The following PTPRM variants were observed in gnomAD, a reference collection of about 807,000 sequenced individuals.
PTPRM encodes the protein protein tyrosine phosphatase receptor type M.
In PTPRM, 47 loss-of-function variants were observed where a neutral mutation model predicts 186.7. The observed-to-expected ratio is 0.25, with a 90% confidence interval of 0.20 to 0.32. The LOEUF is 0.32. PTPRM is among the 10% of genes least tolerant of loss of function. The probability of loss-of-function intolerance (pLI) is 1.00; values close to 1 mark genes in which losing one functional copy is unlikely to be tolerated. For synonymous variants in PTPRM, 668 were observed against 674.9 expected (o/e 0.99, Z 0.16); for missense variants, 1,494 against 1,865.0 (o/e 0.80, Z 3.66).
At chr18:8,126,028 T>TATATATATA (rs2092352408) in intron 13 of PTPRM, among the ~76,000 whole-genome samples, 1 of 19,494 alleles carries the variant, frequency 5.1e-5, no homozygotes, top group African/African-American at 1.2e-4. Context: ...TATATATATA[T>TATATATATA]TTTAAATCAG....
intron 2 of PTPRM, among the ~76,000 whole-genome samples, chr18:7,838,093 G>A (rs2046143258): frequency 6.6e-6 from 1 of 152,142 alleles, no homozygotes; most frequent in Non-Finnish European, 1.5e-5. Flanking sequence ...GCCCGAGACT[G>A]GGTAATTTAT....
chr18:8,107,815 T>C (rs1264557419), intron 11 of PTPRM, among the ~76,000 whole-genome samples: 5 of 152,220 alleles, frequency 3.3e-5, no homozygotes, highest in African/African-American at 9.6e-5. Flanking sequence ...CCATTTATCA[T>C]TGATAATTTA....
chr18:7,838,724 C>T (rs1218028425), intron 2 of PTPRM, among the ~76,000 whole-genome samples: 1 of 152,202 alleles, frequency 6.6e-6, no homozygotes, highest in Non-Finnish European at 1.5e-5. Context: ...GATGGCAAAG[C>T]CAGTCAGGCC....
At chr18:7,642,413 G>T (rs537070870) in intron 1 of PTPRM, among the ~76,000 whole-genome samples, 1 of 152,104 alleles carries the variant, frequency 6.6e-6, no homozygotes, top group East Asian at 1.9e-4. Flanking sequence ...CCTAAATTCC[G>T]TGGAGTTTTT....
chr18:8,327,305 C>A (rs2148130365), intron 22 of PTPRM, among the ~76,000 whole-genome samples: 1 of 152,312 alleles, frequency 6.6e-6, no homozygotes, highest in South Asian at 2.1e-4. Context: ...ATATGGAGAA[C>A]CAGATGCCAG....
At chr18:8,083,617 C>T (rs553770691) in intron 9 of PTPRM, among the ~76,000 whole-genome samples, 2 of 152,226 alleles carry the variant, frequency 1.3e-5, no homozygotes, top group East Asian at 3.9e-4. Flanking sequence ...CTGTATGCCT[C>T]CCCAGCTCCA....
In PTPRM at chr18:8,368,650, C is replaced by T. The variant is rs1471468873; in HGVS notation, c.3055-2240C>T. Reference sequence around the variant, plus strand: ...TTCACAAGGAGGCAGCTGAAATAACCAGCCACATAGCTCATGGGGGAACAT... The same window carrying T: ...TTCACAAGGAGGCAGCTGAAATAACTAGCCACATAGCTCATGGGGGAACAT... On this transcript the variant is annotated intron_variant, in intron 23 of 32. Coordinates refer to ENST00000580170, the MANE Select transcript of PTPRM (RefSeq NM_001105244.2). 2.0e-5 allele frequency among the ~76,000 whole-genome samples: 3 copies of T among 152,284 alleles called. No homozygotes were observed. The East Asian group carries it at 5.8e-4, about 29-fold the overall frequency.
chr18:7,676,649 G>GTGTGTGTGTA (rs1568022196), intron 1 of PTPRM, among the ~76,000 whole-genome samples: 1 of 137,532 alleles, frequency 7.3e-6, no homozygotes, highest in Non-Finnish European at 1.5e-5. Flanking sequence ...GTGTGTGTGT[G>GTGTGTGTGTA]TGTGTGTGTG....
At chr18:8,370,828 C>G (rs762019164) in intron 23 of PTPRM, 62 bp from the exon 24 acceptor site, 43 of 955,942 alleles carry the variant, frequency 4.5e-5, no homozygotes, top group Non-Finnish European at 6.1e-5. Context: ...TGTGACCCAT[C>G]ATGGGAGGAA....
At chr18:8,272,671 A>G (rs1428225540) in intron 19 of PTPRM, among the ~76,000 whole-genome samples, 1 of 152,148 alleles carries the variant, frequency 6.6e-6, no homozygotes, top group Non-Finnish European at 1.5e-5. Flanking sequence ...TACAATCAGA[A>G]CATTCATTGC....
chr18:8,296,176 G>C (rs1250075278), intron 19 of PTPRM, among the ~76,000 whole-genome samples, 192 bp from the exon 20 acceptor site: 2 of 152,068 alleles, frequency 1.3e-5, no homozygotes, highest in East Asian at 3.9e-4. Flanking sequence ...CTAACTAAAG[G>C]AAAACAAAGT....
At chr18:7,789,526 C>G (rs1366857966) in intron 2 of PTPRM, among the ~76,000 whole-genome samples, 7 of 152,000 alleles carry the variant, frequency 4.6e-5, no homozygotes, top group African/African-American at 1.7e-4. Flanking sequence ...GATTAATTTC[C>G]TCTACTAATT....
chr18:7,745,863 A>C (rs1225532684), intron 1 of PTPRM, among the ~76,000 whole-genome samples: 1 of 152,218 alleles, frequency 6.6e-6, no homozygotes, highest in Non-Finnish European at 1.5e-5. Context: ...TAAGATTGTA[A>C]AATAGCTAAA....
intron 1 of PTPRM, among the ~76,000 whole-genome samples, chr18:7,593,945 A>C (rs954241228): frequency 1.3e-5 from 2 of 152,106 alleles, no homozygotes; most frequent in Admixed American, 6.6e-5. Flanking sequence ...TAAATGGTAG[A>C]GCTGGGATTT....
At chr18:7,646,912 AG>A (rs1006239583) in intron 1 of PTPRM, among the ~76,000 whole-genome samples, 22 of 151,592 alleles carry the variant, frequency 1.5e-4, no homozygotes, top group Non-Finnish European at 5.9e-5. Context: ...CTGTATTTTT[AG>A]GGGGAGGTGG....
At chr18:7,842,947 T>TATAGAG (rs370746043) in intron 2 of PTPRM, among the ~76,000 whole-genome samples, 3,828 of 111,944 alleles carry the variant, frequency 0.034, 94 homozygotes, top group East Asian at 0.055. Context: ...TATATATATA[T>TATAGAG]AGAGAGAGAG....
intron 10 of PTPRM, among the ~76,000 whole-genome samples, chr18:8,086,292 T>C (rs1246347406): frequency 6.6e-6 from 1 of 152,086 alleles, no homozygotes; most frequent in Non-Finnish European, 1.5e-5. Context: ...ATCTCTACCA[T>C]AAGAAACTTC....
intron 1 of PTPRM, among the ~76,000 whole-genome samples, chr18:7,676,760 TACTG>T (rs1219985554): frequency 3.3e-5 from 5 of 151,976 alleles, no homozygotes; most frequent in African/African-American, 4.8e-5. Context: ...GTACAAATCT[TACTG>T]ACAAATGTTT....
intron 6 of PTPRM, among the ~76,000 whole-genome samples, chr18:7,951,321 G>A (rs2052938986): frequency 6.6e-6 from 1 of 151,880 alleles, no homozygotes; most frequent in Non-Finnish European, 1.5e-5. Context: ...TTTCATCTTG[G>A]TTCATTTGTT....
Sources: gnomAD v4.1 joint callset for allele counts (sites outside exome capture counted in the v4.1 genomes callset) on GRCh38, gnomAD v4.1.1 for gene constraint, MANE v1.5 for transcripts, NCBI Gene and HGNC (gene_info 2026-07-23, HGNC 2026-07-21) for gene names.